Variants in PRORP observed in about 807,000 individuals in gnomAD.
PRORP encodes mitochondrial ribonuclease P catalytic subunit.
PRORP carries 51 observed loss-of-function variants against 59.4 expected under a neutral mutation model. That is an observed-to-expected ratio of 0.86 (90% CI 0.69 to 1.08). The LOEUF (loss-of-function observed/expected upper bound fraction) is 1.08, where lower values mean the gene tolerates loss of function less well. Among genes scored for constraint, PRORP ranks in the 50% least tolerant of loss-of-function variants. The probability of loss-of-function intolerance (pLI) is 0.00; values close to 1 mark genes in which losing one functional copy is unlikely to be tolerated. For missense variants in PRORP, 646 were observed against 690.3 expected, an observed-to-expected ratio of 0.94 and a Z score of 0.72; for synonymous variants, 231 against 245.6, an observed-to-expected ratio of 0.94 and a Z score of 0.55.
chr14:35,155,773 A>C (rs915657551), intron 4 of PRORP, among the ~76,000 whole-genome samples: 1 of 152,008 alleles, frequency 6.6e-6, no homozygotes, highest in Non-Finnish European at 1.5e-5. Context: ...GGATATAAAC[A>C]GTTCAGAAAT....
At chr14:35,166,329 T>C (rs1315960418) in intron 4 of PRORP, among the ~76,000 whole-genome samples, 1 of 152,190 alleles carries the variant, frequency 6.6e-6, no homozygotes, top group Non-Finnish European at 1.5e-5. Flanking sequence ...TGCTATTCTC[T>C]CCTTAAAGCT....
At chr14:35,188,704 G>A (rs753561410) in intron 5 of PRORP, among the ~76,000 whole-genome samples, 13 of 151,626 alleles carry the variant, frequency 8.6e-5, no homozygotes, top group Non-Finnish European at 1.6e-4. Context: ...AGAGCCGGGC[G>A]CCGTGGCTCA....
At chr14:35,157,047 C>A (rs1321474026) in intron 4 of PRORP, among the ~76,000 whole-genome samples, 2 of 151,556 alleles carry the variant, frequency 1.3e-5, no homozygotes, top group Admixed American at 1.3e-4. Flanking sequence ...GCTCCGTCTC[C>A]TGGGTTCACG....
rs962473845 is a variant in PRORP, at chr14:35,277,557, G to C, written c.*3991G>C. On this transcript the variant is annotated 3_prime_UTR_variant, in exon 8 of 8. Coordinates refer to ENST00000534898, the MANE Select transcript of PRORP (RefSeq NM_014672.4). ...AGAGGGGAAGCCATAGAAATTAACA[G>C]GATGAAAATACAAGAGACAGGAACA... 8 of 152,094 alleles carry C rather than the reference G, an allele frequency of 5.3e-5. No individual in the cohort carries two copies. Among genetic ancestry groups the C allele is most frequent in the African/African-American group, 1.9e-4 (8 of 41,422 alleles). The allele number at this position is 152,094 out of a possible 1,614,324, so 9.4% of individuals were successfully genotyped here. A position where few individuals can be genotyped will look rare whatever the true frequency, so the allele number is the denominator to read the frequency against.
intron 5 of PRORP, among the ~76,000 whole-genome samples, chr14:35,236,790 A>G (rs2050225267): frequency 6.6e-6 from 1 of 152,054 alleles, no homozygotes; most frequent in Non-Finnish European, 1.5e-5. Context: ...ACTTGAAACT[A>G]AATACTGTAT....
chr14:35,229,689 T>C (rs1452528414), intron 5 of PRORP, among the ~76,000 whole-genome samples: 3 of 152,210 alleles, frequency 2.0e-5, no homozygotes, highest in Admixed American at 6.5e-5. Flanking sequence ...GCAGTACTTA[T>C]ATGAAAAATG....
chr14:35,191,691 A>AAAAACCAAAACC (rs2048887559), intron 5 of PRORP, among the ~76,000 whole-genome samples: 1 of 152,168 alleles, frequency 6.6e-6, no homozygotes. Context: ...CAACAGTCTC[A>AAAAACCAAAACC]AAAACCAAAA....
chr14:35,140,704 T>C (rs1282545663), intron 4 of PRORP, among the ~76,000 whole-genome samples: 1 of 145,488 alleles, frequency 6.9e-6, no homozygotes, highest in Non-Finnish European at 1.5e-5. Context: ...GTATTAGGAT[T>C]TTCAAAAGCT....
intron 5 of PRORP, among the ~76,000 whole-genome samples, chr14:35,234,562 C>G (rs562218799): frequency 1.3e-5 from 2 of 152,242 alleles, no homozygotes; most frequent in Admixed American, 6.5e-5. Flanking sequence ...CACAAAGGCT[C>G]CTACGCCCCT....
At position 35,250,405 on chromosome 14, in the gene PRORP, A is replaced by C. The variant is rs2050586825; in HGVS notation, c.1276-16322A>C. 2.0e-5 allele frequency among the ~76,000 whole-genome samples: 3 copies of C among 152,140 alleles called. No homozygotes were observed. The South Asian group carries it at 6.2e-4, about 32-fold the overall frequency. On this transcript the variant is annotated intron_variant, in intron 5 of 7. Transcript: ENST00000534898. Reference sequence around the variant, plus strand: ...TTCTACATCAGGTCCTTTAGAGAAAATTATTCCTGAGTTTAGGGATCTGTG... The same window carrying C: ...TTCTACATCAGGTCCTTTAGAGAAACTTATTCCTGAGTTTAGGGATCTGTG...
In PRORP at chr14:35,180,681, A is replaced by T; in HGVS notation, c.1179A>T (p.Arg393Ser). Residue 393 changes from arginine to serine, a missense_variant, in exon 5 of 8, where the codon AGA (arginine) becomes AGT (serine). By Grantham distance (110) the Arg-to-Ser change is moderately radical. Coordinates refer to ENST00000534898, the MANE Select transcript of PRORP (RefSeq NM_014672.4). ...CATTTCTTTATTAGGAACTTAAGAG[A>T]TTTGAGAACTTCATAAAATCTCGTC... Reference protein sequence around the residue: ...YRKTTPQELKRFENFIKSRPP... With the variant: ...YRKTTPQELKSFENFIKSRPP... The T allele has an allele frequency of 6.2e-7, 1 of 1,606,650 alleles. No individual in the cohort carries two copies. The highest frequency in any genetic ancestry group is 1.3e-5 in the African/African-American group (1 of 74,900).
At chr14:35,132,899 GT>G (rs869301495) in intron 4 of PRORP, among the ~76,000 whole-genome samples, 1 of 145,294 alleles carries the variant, frequency 6.9e-6, no homozygotes, top group Admixed American at 6.7e-5. Flanking sequence ...TTGAGTTAGT[GT>G]TTTTTTGTTT....
chr14:35,221,924 A>T (rs1486587194), intron 5 of PRORP, among the ~76,000 whole-genome samples: 1 of 152,188 alleles, frequency 6.6e-6, no homozygotes, highest in Non-Finnish European at 1.5e-5. Context: ...AAATTTATCC[A>T]GGTGTAGCAA....
At chr14:35,240,407 C>A (rs1179769440) in intron 5 of PRORP, among the ~76,000 whole-genome samples, 1 of 151,062 alleles carries the variant, frequency 6.6e-6, no homozygotes, top group Non-Finnish European at 1.5e-5. Context: ...GTAGTTACAG[C>A]CATTTCCAAG....
rs147065101 is a variant in PRORP at position 35,180,763 on chromosome 14, C to G, written c.1261C>G (p.Arg421Gly). The stretch of plus-strand genomic sequence containing the variant: ...TGTTGCCAAAATGTTTCCTAAAGTT[C>G]GTGAATCTCAACTTGTAAGTATAAG... ...LNVAKMFPKVRESQLLLNVVS... is the reference protein window; with the variant it reads ...LNVAKMFPKVGESQLLLNVVS... The change falls in exon 5 of 8, where the codon CGT becomes GGT. Residue 421 changes from arginine to glycine, a missense_variant. Physicochemically the swap from Arg to Gly is moderately radical, Grantham distance 125. Transcript: ENST00000534898. The G allele has an allele frequency of 1.2e-6, 2 of 1,600,536 alleles. No individual in the cohort carries two copies. Among genetic ancestry groups the G allele is most frequent in the African/African-American group, 1.3e-5 (1 of 74,668 alleles).
At position 35,142,725 on chromosome 14, in the gene PRORP, C is replaced by A. The variant is rs950263766; in HGVS notation, c.1167+15114C>A. On this transcript the variant is annotated intron_variant, in intron 4 of 7. Transcript: ENST00000534898. The stretch of plus-strand genomic sequence containing the variant: ...GGGCATAGTGGCTCATGCCTGTAGT[C>A]CTAGCTACTCGGGAGGCTGAGGCAG... Among the ~76,000 whole-genome samples the A allele has an allele frequency of 8.3e-5, 12 of 144,430 alleles. 2 individuals carry two copies. Among genetic ancestry groups the A allele is most frequent in the Admixed American group, 7.2e-5 (1 of 13,794 alleles). 94.8% of individuals were successfully genotyped at this position (144,430 alleles called of 152,430 possible).
chr14:35,219,528 G>A (rs959559417), intron 5 of PRORP, among the ~76,000 whole-genome samples: 9 of 152,164 alleles, frequency 5.9e-5, no homozygotes, highest in Non-Finnish European at 1.2e-4. Context: ...AAAGTATTTG[G>A]TGGCCACTCA....
intron 4 of PRORP, among the ~76,000 whole-genome samples, chr14:35,148,298 G>C (rs2047659644): frequency 6.6e-6 from 1 of 152,100 alleles, no homozygotes; most frequent in East Asian, 1.9e-4. Flanking sequence ...TTTATCCATG[G>C]GCTTTAGAAT....
chr14:35,140,027 G>A (rs1482474953), intron 4 of PRORP, among the ~76,000 whole-genome samples: 1 of 145,072 alleles, frequency 6.9e-6, no homozygotes, highest in African/African-American at 2.4e-5. Context: ...TACAAGTTAT[G>A]GGATTTAGAG....
Sources: allele counts gnomAD v4.1 joint callset (sites outside exome capture counted in the v4.1 genomes callset), GRCh38; gene constraint gnomAD v4.1.1; transcripts MANE v1.5; gene names NCBI Gene and HGNC (gene_info 2026-07-23, HGNC 2026-07-21).